Variants in C11orf65 observed in about 807,000 individuals in gnomAD.
C11orf65 encodes chromosome 11 open reading frame 65.
In C11orf65, 38 loss-of-function variants were observed where a neutral mutation model predicts 35.3. The observed-to-expected ratio is 1.08, with a 90% CI of 0.83 to 1.41. The LOEUF (loss-of-function observed/expected upper bound fraction) is 1.41. C11orf65 is among the 40% of genes most tolerant of loss of function. The pLI, the probability that C11orf65 is intolerant of heterozygous loss-of-function variation, is 0.00. For synonymous variants in C11orf65, 105 were observed against 114.4 expected, an observed-to-expected ratio of 0.92 and a Z score of 0.53; for missense variants, 370 against 367.1, an observed-to-expected ratio of 1.01 and a Z score of -0.06.
In C11orf65 at chr11:108,382,884, C is replaced by G. The variant is rs2091894316; in HGVS notation, c.*137G>C. On this transcript the variant is annotated 3_prime_UTR_variant, in exon 9 of 9. Transcript: ENST00000393084. ...GTCCAGTGTTCTATTTCTGCTCAAT[C>G]TTCCTTACTTAACTGAGCTAGATTC... 1 of 1,520,078 alleles carries G rather than the reference C, an allele frequency of 6.6e-7. No individual in the cohort carries two copies. The highest frequency in any genetic ancestry group is 1.4e-5 in the African/African-American group (1 of 71,120). 94.2% of individuals were successfully genotyped at this position (1,520,078 alleles called of 1,614,324 possible). A position where few individuals can be genotyped will look rare whatever the true frequency, so the allele number is the denominator to read the frequency against.
At chr11:108,422,217 C>T (rs766661583) in intron 3 of C11orf65, among the ~76,000 whole-genome samples, 1 of 152,166 alleles carries the variant, frequency 6.6e-6, no homozygotes, top group Non-Finnish European at 1.5e-5. Flanking sequence ...CGTGAGCCAC[C>T]GCGCCTGGCC....
chr11:108,400,733 G>T (rs2092423964), intron 6 of C11orf65, among the ~76,000 whole-genome samples: 11 of 152,116 alleles, frequency 7.2e-5, no homozygotes, highest in Admixed American at 7.2e-4. Flanking sequence ...GTGAACTAAA[G>T]GAACCAGTTC....
At chr11:108,317,578 A>C in intron 6 of C11orf65, 1 of 1,454,354 alleles carries the variant, frequency 6.9e-7, no homozygotes, top group Non-Finnish European at 9.3e-7. Context: ...CTAAACAACA[A>C]CTGTTTTTCT....
intron 6 of C11orf65, among the ~76,000 whole-genome samples, chr11:108,401,573 C>T (rs776206806): frequency 6.6e-6 from 1 of 152,218 alleles, no homozygotes; most frequent in Non-Finnish European, 1.5e-5. Flanking sequence ...ATGTAATGCA[C>T]TTCTCAATTA....
chr11:108,376,000 C>A (rs1174688804), intron 2 of C11orf65, among the ~76,000 whole-genome samples: 1 of 152,124 alleles, frequency 6.6e-6, no homozygotes, highest in African/African-American at 2.4e-5. Flanking sequence ...TCCTGAGTGA[C>A]CTACAAAGAG....
intron 8 of C11orf65, among the ~76,000 whole-genome samples, chr11:108,384,210 A>C (rs2091934294): frequency 6.6e-6 from 1 of 152,186 alleles, no homozygotes; most frequent in Admixed American, 6.5e-5. Flanking sequence ...TGAGCAGAGA[A>C]GGGAATGGAG....
intron 3 of C11orf65, among the ~76,000 whole-genome samples, chr11:108,421,959 T>A (rs757210152): frequency 6.6e-6 from 1 of 152,284 alleles, no homozygotes. Context: ...TGAGACGAAG[T>A]CTCACACTGT....
intron 3 of C11orf65, among the ~76,000 whole-genome samples, chr11:108,428,837 C>CA (rs1205854478): frequency 6.6e-6 from 1 of 151,868 alleles, no homozygotes; most frequent in African/African-American, 2.4e-5. Context: ...ACAAAAATAC[C>CA]AAAAAACGAA....
chr11:108,329,115 A>T (rs1555122090), downstream of C11orf65: 13 of 1,614,128 alleles, frequency 8.1e-6, no homozygotes, highest in Non-Finnish European at 1.1e-5. Context: ...CGGTTTTCAG[A>T]TACTCAATAC....
At chr11:108,421,488 T>G (rs2092816213) in intron 3 of C11orf65, among the ~76,000 whole-genome samples, 1 of 152,016 alleles carries the variant, frequency 6.6e-6, no homozygotes, top group Non-Finnish European at 1.5e-5. Flanking sequence ...AAACCCTGTC[T>G]CTACTAAAAA....
At position 108,312,451 on chromosome 11, in the gene C11orf65, T is replaced by C. The variant is rs1421604744; in HGVS notation, c.641-3380A>G. The C allele has an allele frequency of 6.3e-7, 1 of 1,597,044 alleles. No homozygotes were observed. Among genetic ancestry groups the C allele is most frequent in the African/African-American group, 1.3e-5 (1 of 74,616 alleles). ...AGAAGGAAGCCAGAGTACAACTATTTCTAGCTTGAGTGAAAAAAGTAAAGA... is the reference window on the plus strand; with the variant it reads ...AGAAGGAAGCCAGAGTACAACTATTCCTAGCTTGAGTGAAAAAAGTAAAGA... On this transcript the variant is annotated intron_variant, in intron 6 of 6. Transcript: ENST00000525729.
chr11:108,374,700 G>C (rs1029594949), intron 2 of C11orf65, among the ~76,000 whole-genome samples: 2 of 152,070 alleles, frequency 1.3e-5, no homozygotes, highest in African/African-American at 4.8e-5. Flanking sequence ...AGCTACAGGA[G>C]GAAATTCAAA....
In C11orf65 at chr11:108,437,930, CCAAA is replaced by C. The variant is rs566776043; in HGVS notation, c.82-6096_82-6093del. ...GTGGAACACAAGGGACCCTGAATAG[CCAAA>C]CAGTCTTGAAAAAGAATAAAATAAG... On this transcript the variant is annotated intron_variant, in intron 2 of 8. Coordinates refer to ENST00000393084, the MANE Select transcript of C11orf65 (RefSeq NM_152587.5). 1.4e-3 allele frequency among the ~76,000 whole-genome samples: 213 copies of C among 152,032 alleles called. 1 individual carries two copies. Among genetic ancestry groups the C allele is most frequent in the Admixed American group, 3.9e-3 (60 of 15,252 alleles).
intron 3 of C11orf65, among the ~76,000 whole-genome samples, chr11:108,409,622 G>A (rs1193091096): frequency 6.6e-6 from 1 of 152,076 alleles, no homozygotes; most frequent in Non-Finnish European, 1.5e-5. Flanking sequence ...GTAAACAACT[G>A]ATACTCTACA....
chr11:108,439,374 T>C (rs1325311674), intron 2 of C11orf65, among the ~76,000 whole-genome samples: 1 of 152,230 alleles, frequency 6.6e-6, no homozygotes, highest in Non-Finnish European at 1.5e-5. Context: ...ACCTTGTGCA[T>C]TGCTGGTGGG....
intron 2 of C11orf65, among the ~76,000 whole-genome samples, chr11:108,352,720 C>T (rs1356900592): frequency 6.6e-6 from 1 of 152,220 alleles, no homozygotes; most frequent in Non-Finnish European, 1.5e-5. Flanking sequence ...TGAAATACTA[C>T]TCAGCAATGA....
At chr11:108,330,569 C>T (rs1301706139), downstream of C11orf65, 4 of 843,586 alleles carry the variant, frequency 4.7e-6, no homozygotes, top group Admixed American at 2.0e-5. Context: ...GTTTTCTAAA[C>T]TTTGATCCAT....
intron 2 of C11orf65, among the ~76,000 whole-genome samples, chr11:108,445,807 G>A (rs1182627012): frequency 6.6e-6 from 1 of 151,946 alleles, no homozygotes; most frequent in East Asian, 1.9e-4. Flanking sequence ...GAAGGCTTCA[G>A]ACGATCAAAC....
chr11:108,416,868 C>T (rs928710573), intron 3 of C11orf65, among the ~76,000 whole-genome samples: 1 of 151,960 alleles, frequency 6.6e-6, no homozygotes, highest in Non-Finnish European at 1.5e-5. Context: ...TGTACTCTTA[C>T]CATAAGATCC....
Sources: gnomAD v4.1 joint callset for allele counts (sites outside exome capture counted in the v4.1 genomes callset) on GRCh38, gnomAD v4.1.1 for gene constraint, MANE v1.5 for transcripts, NCBI Gene and HGNC (gene_info 2026-07-23, HGNC 2026-07-21) for gene names.